The following PREX1 variants were observed in gnomAD, a reference collection of about 807,000 sequenced individuals.
PREX1 encodes phosphatidylinositol-3,4,5-trisphosphate dependent Rac exchange factor 1, also known as phosphatidylinositol 3,4,5-trisphosphate-dependent Rac exchanger 1 protein.
A neutral mutation model predicts 198.3 loss-of-function variants in PREX1; 41 were observed. The observed-to-expected ratio is 0.21, with a 90% confidence interval of 0.16 to 0.27. PREX1 has a LOEUF of 0.27. PREX1 is among the 10% of genes least tolerant of loss of function. PREX1 has a pLI of 1.00. For missense variants in PREX1, 1,620 were observed against 2,200.7 expected, an observed-to-expected ratio of 0.74 and a Z score of 5.28; for synonymous variants, 843 against 887.2, an observed-to-expected ratio of 0.95 and a Z score of 0.89.
chr20:48,653,156 C>T (rs1009284574), intron 20 of PREX1, among the ~76,000 whole-genome samples: 1 of 152,156 alleles, frequency 6.6e-6, no homozygotes, highest in Non-Finnish European at 1.5e-5. Flanking sequence ...CCGAGACCCC[C>T]GGGTATCATG....
At chr20:48,780,047 C>T (rs2090281251) in intron 1 of PREX1, among the ~76,000 whole-genome samples, 1 of 152,166 alleles carries the variant, frequency 6.6e-6, no homozygotes, top group Non-Finnish European at 1.5e-5. Context: ...AAATTTCACA[C>T]TGGGTATCAG....
chr20:48,780,755 G>T (rs899764793), intron 1 of PREX1, among the ~76,000 whole-genome samples: 1 of 152,140 alleles, frequency 6.6e-6, no homozygotes, highest in Admixed American at 6.6e-5. Flanking sequence ...CAGACCCACC[G>T]GTGGATGCTA....
chr20:48,637,671 G>C, intron 31 of PREX1, 40 bp downstream of exon 31: 1 of 1,569,112 alleles, frequency 6.4e-7, no homozygotes, highest in Non-Finnish European at 8.7e-7. Context: ...TGGTGGAAGA[G>C]GCCGGGTATG....
intron 39 of PREX1, 100 bp downstream of exon 39, chr20:48,627,448 A>T: frequency 2.3e-6 from 3 of 1,308,092 alleles, no homozygotes; most frequent in Non-Finnish European, 3.3e-6. Flanking sequence ...GGGAAGCCCC[A>T]TCTGAGCATT....
the PREX1 span, among the ~76,000 whole-genome samples, chr20:48,865,174 G>C: frequency 6.6e-6 from 1 of 152,190 alleles, no homozygotes; most frequent in Non-Finnish European, 1.5e-5. Flanking sequence ...AGTGGAAGGT[G>C]CCAGAGCAGT....
chr20:48,644,018 G>A (rs572159524), intron 27 of PREX1, among the ~76,000 whole-genome samples: 1 of 152,130 alleles, frequency 6.6e-6, no homozygotes, highest in Non-Finnish European at 1.5e-5. Context: ...TTGGATTTTC[G>A]GTTTACACAT....
intron 13 of PREX1, among the ~76,000 whole-genome samples, chr20:48,679,065 G>A (rs1298104707): frequency 2.0e-5 from 3 of 152,192 alleles, no homozygotes; most frequent in Admixed American, 1.3e-4. Context: ...CAGAGGAAAC[G>A]GTTGAGGCAC....
In PREX1 at chr20:48,649,372, G is replaced by A. The variant is rs1226322569; in HGVS notation, c.3233C>T (p.Ala1078Val). Residue 1078 changes from alanine (A) to valine (V), a missense_variant, in exon 25 of 40, where the codon GCC (alanine) becomes GTC (valine). By Grantham distance (64) the Ala-to-Val change is moderately conservative. Coordinates refer to ENST00000371941, the MANE Select transcript of PREX1 (RefSeq NM_020820.4). ...LKQEDREIQD[A>V]YLQLFTKLDV... ...CAGCTTGGTGAAGAGCTGCAGGTAG[G>A]CATCCTGGATCTCACGGTCCTCCTG... The A allele has an allele frequency of 3.1e-6, 5 of 1,614,022 alleles. No homozygotes were observed. Among genetic ancestry groups the A allele is most frequent in the Non-Finnish European group, 4.2e-6 (5 of 1,180,024 alleles).
chr20:48,758,869 T>G (rs1367533555), intron 1 of PREX1, among the ~76,000 whole-genome samples: 1 of 152,170 alleles, frequency 6.6e-6, no homozygotes, highest in Admixed American at 6.5e-5. Flanking sequence ...ATGGACATTA[T>G]GTGTGTTCAT....
intron 14 of PREX1, among the ~76,000 whole-genome samples, chr20:48,673,591 C>G (rs571435155): frequency 6.6e-6 from 1 of 152,206 alleles, no homozygotes; most frequent in African/African-American, 2.4e-5. Context: ...CCTCTGGGCT[C>G]TGACTGAAGC....
intron 10 of PREX1, among the ~76,000 whole-genome samples, chr20:48,682,857 G>C (rs1025732936): frequency 6.6e-6 from 1 of 152,242 alleles, no homozygotes; most frequent in Non-Finnish European, 1.5e-5. Flanking sequence ...CAGAGCCTGA[G>C]CACCCTGCTT....
rs2089490688 is a variant in PREX1, at chr20:48,650,965, G to A, written c.2746C>T (p.His916Tyr). The A allele has an allele frequency of 1.9e-6, 3 of 1,614,194 alleles. No homozygotes were observed. The highest frequency in any genetic ancestry group is 1.3e-5 in the African/African-American group (1 of 75,052). ...TCACAGATGTTGCGGAACTCAAAGT[G>A]GGGCATGGTCACGATGGCGCTGCTC... ...ALSSAIVTMP[H>Y]FEFRNICDTK... Residue 916 changes from histidine (H) to tyrosine (Y), a missense_variant, in exon 23 of 40, where the codon CAC becomes TAC. Physicochemically the swap from His to Tyr is moderately conservative, Grantham distance 83. Transcript: ENST00000371941.
chr20:48,767,535 T>C (rs955741655), intron 1 of PREX1, among the ~76,000 whole-genome samples: 5 of 152,006 alleles, frequency 3.3e-5, no homozygotes, highest in Non-Finnish European at 7.4e-5. Flanking sequence ...GAGAAGGAAA[T>C]AGATAACGAA....
intron 15 of PREX1, 67 bp from the exon 16 acceptor site, chr20:48,660,128 C>G (rs750804694): frequency 1.9e-6 from 3 of 1,590,256 alleles, no homozygotes; most frequent in Admixed American, 3.3e-5. Context: ...TGTTTGCCAA[C>G]TGGCAGGCAC....
rs201508145 is a variant in PREX1 at position 48,734,559 on chromosome 20, C to T, written c.506G>A (p.Arg169His). The change falls in exon 4 of 40, where the codon CGC becomes CAC. Residue 169 changes from arginine to histidine, a missense_variant. Physicochemically the swap from Arg to His is conservative, Grantham distance 29 (BLOSUM62 0). This residue lies in a region of PREX1 where 488 missense variants were observed against 802.5 expected (regional missense o/e 0.61). Coordinates refer to ENST00000371941, the MANE Select transcript of PREX1 (RefSeq NM_020820.4). ...LVELNKIPTV[R>H]AFLLSCMLLG... ...GGGTCAACTTACCAAAAGGAAGGCG[C>T]GCACGGTAGGGATCTTGTTCAGCTC... is the stretch of plus-strand genomic sequence containing the variant. The T allele has an allele frequency of 1.2e-4, 193 of 1,613,832 alleles. No individual in the cohort carries two copies. Among genetic ancestry groups the T allele is most frequent in the East Asian group, 1.6e-4 (7 of 44,886 alleles).
chr20:48,819,313 C>T (rs6019440), intron 1 of PREX1, among the ~76,000 whole-genome samples: 1 of 152,208 alleles, frequency 6.6e-6, no homozygotes. Context: ...TCAAACAAGC[C>T]TGGCACAGTC....
At chr20:48,659,233 AAAGGAAGG>A (rs373009346) in intron 16 of PREX1, among the ~76,000 whole-genome samples, 5 of 98,842 alleles carry the variant, frequency 5.1e-5, no homozygotes, top group Admixed American at 1.2e-4. Flanking sequence ...GAGAGAAAGA[AAAGGAAGG>A]AAGGAAGGAA....
At position 48,799,890 on chromosome 20, in the gene PREX1, T is replaced by C. The variant is rs116509366; in HGVS notation, c.219+27752A>G. On this transcript the variant is annotated intron_variant, in intron 1 of 39. Transcript: ENST00000371941. ...GGCTGGGCACCTCCACCCATCCAGATAGGATCTCACTCTAATCTGCCTCTG... is the reference window on the plus strand; with the variant it reads ...GGCTGGGCACCTCCACCCATCCAGACAGGATCTCACTCTAATCTGCCTCTG... Among the ~76,000 whole-genome samples, 556 of 152,200 alleles carry C rather than the reference T, an allele frequency of 3.7e-3. 5 individuals carry two copies. Among genetic ancestry groups the C allele is most frequent in the African/African-American group, 0.013 (531 of 41,534 alleles).
chr20:48,873,465 T>C, the PREX1 span, among the ~76,000 whole-genome samples: 1 of 151,098 alleles, frequency 6.6e-6, no homozygotes, highest in Non-Finnish European at 1.5e-5. Flanking sequence ...TCCCAGCACT[T>C]TGGGAGGCCA....
Sources: gnomAD v4.1 joint callset for allele counts (sites outside exome capture counted in the v4.1 genomes callset) on GRCh38, gnomAD v4.1.1 for gene constraint, gnomAD v4.1.1 regional missense constraint, MANE v1.5 for transcripts, NCBI Gene and HGNC (gene_info 2026-07-23, HGNC 2026-07-21) for gene names.